Variants in ADGRB1 observed in about 807,000 individuals in gnomAD.
ADGRB1 encodes the protein adhesion G protein-coupled receptor B1.
Under a neutral mutation model 175.7 loss-of-function variants are expected in ADGRB1, and 36 were observed. That is an observed-to-expected ratio of 0.20 (90% CI 0.16 to 0.27). ADGRB1 has a LOEUF of 0.27. Ranked by LOEUF, ADGRB1 falls within the 10% of genes least tolerant of loss-of-function variation. ADGRB1 has a pLI of 1.00. For synonymous variants in ADGRB1, 1,054 were observed against 979.4 expected (o/e 1.08, Z -1.42); for missense variants, 1,731 against 2,255.3 (o/e 0.77, Z 4.71).
chr8:142,536,446 C>T (rs1164643004), intron 25 of ADGRB1, among the ~76,000 whole-genome samples: 1 of 152,190 alleles, frequency 6.6e-6, no homozygotes, highest in African/African-American at 2.4e-5. Context: ...CCGTCCTCAC[C>T]ACTGTCCCCC....
Position 142,511,088 on chromosome 8 carries a change from G to A in ADGRB1, c.2817+15G>A. The A allele has an allele frequency of 1.8e-6, 2 of 1,105,308 alleles. No individual in the cohort carries two copies. The highest frequency in any genetic ancestry group is 2.2e-6 in the Non-Finnish European group (2 of 906,138). The allele number at this position is 1,105,308 out of a possible 1,614,324, so 68.5% of individuals were successfully genotyped here. A position where few individuals can be genotyped will look rare whatever the true frequency, so the allele number is the denominator to read the frequency against. On this transcript the variant is annotated intron_variant, in intron 18 of 30. Transcript: ENST00000517894. This position sits in a 1 kb window ranked among gnomAD's most constrained non-coding sequence, Gnocchi z 4.5. ...GCGCCGACGCGGTGAGACCCCGGCC[G>A]GGCCGGCGGGAGGGGCGCCGGGCAG...
intron 7 of ADGRB1, 107 bp downstream of exon 7, chr8:142,478,467 G>A: frequency 7.7e-7 from 1 of 1,292,262 alleles, no homozygotes; most frequent in Admixed American, 2.6e-5. Context: ...CCCGGCATGT[G>A]ACTGAGGAGG....
Position 142,481,725 on chromosome 8 carries a change from G to C in ADGRB1, c.2130+14G>C. ...GGGGACGTACAGGTGGGCTCCCCGAGCGGCATTTTGGAAGAGGGTGTCGGG... is the reference window on the plus strand; with the variant it reads ...GGGGACGTACAGGTGGGCTCCCCGACCGGCATTTTGGAAGAGGGTGTCGGG... On this transcript the variant is annotated intron_variant, in intron 11 of 30. Coordinates refer to ENST00000517894, the MANE Select transcript of ADGRB1 (RefSeq NM_001702.3). 1.3e-6 allele frequency: 2 copies of C among 1,531,620 alleles called. No individual in the cohort carries two copies. Among genetic ancestry groups the C allele is most frequent in the Non-Finnish European group, 1.8e-6 (2 of 1,134,806 alleles). The allele number at this position is 1,531,620 out of a possible 1,614,324, so 94.9% of individuals were successfully genotyped here.
At chr8:142,528,136 T>C (rs993362767) in intron 24 of ADGRB1, among the ~76,000 whole-genome samples, 2 of 152,166 alleles carry the variant, frequency 1.3e-5, no homozygotes, top group Non-Finnish European at 2.9e-5. Flanking sequence ...CCCACACGCA[T>C]GGGCACACAC....
intron 24 of ADGRB1, among the ~76,000 whole-genome samples, chr8:142,531,677 T>C (rs7387226): frequency 0.67 from 101,708 of 152,160 alleles, 36,245 homozygotes; most frequent in East Asian, 0.99. Context: ...TGTCCTGGTG[T>C]TGCTCTGGGC....
intron 17 of ADGRB1, among the ~76,000 whole-genome samples, chr8:142,509,907 C>T (rs1842993345): frequency 2.6e-5 from 4 of 152,152 alleles, no homozygotes; most frequent in Admixed American, 2.6e-4. Flanking sequence ...GACTCAGCCT[C>T]AGAGAGGGCC....
In ADGRB1 at chr8:142,513,249, G is replaced by A. The variant is rs537960546; in HGVS notation, c.2817+2176G>A. On this transcript the variant is annotated intron_variant, in intron 18 of 30. Coordinates refer to ENST00000517894, the MANE Select transcript of ADGRB1 (RefSeq NM_001702.3). ...AGTGTCCTCATCTGTGAGATGGGAG[G>A]GCGGTTGGCTCTGCCGCAAGGGCAG... Among the ~76,000 whole-genome samples the A allele has an allele frequency of 3.9e-5, 6 of 152,306 alleles. No individual in the cohort carries two copies. In the South Asian group the frequency reaches 1.2e-3, roughly 32 times the overall value.
At chr8:142,519,409 G>T (rs1416935692) in intron 19 of ADGRB1, among the ~76,000 whole-genome samples, 1 of 152,220 alleles carries the variant, frequency 6.6e-6, no homozygotes, top group Non-Finnish European at 1.5e-5. Context: ...AGCCCCTGAG[G>T]CTCAGCCCTG....
chr8:142,487,428 C>T (rs1314966935), intron 13 of ADGRB1, among the ~76,000 whole-genome samples: 1 of 152,228 alleles, frequency 6.6e-6, no homozygotes, highest in Non-Finnish European at 1.5e-5. Flanking sequence ...CGAATTCCCT[C>T]TGCCCTCCAC....
chr8:142,481,430 A>G (rs1841331888), intron 10 of ADGRB1, 70 bp downstream of exon 10: 1 of 1,592,648 alleles, frequency 6.3e-7, no homozygotes, highest in South Asian at 1.1e-5. Flanking sequence ...GGGACCCTGC[A>G]GAGGGTCCTA....
At chr8:142,533,266 G>T (rs1369837857) in intron 24 of ADGRB1, 29 bp from the exon 25 acceptor site, 9 of 1,475,088 alleles carry the variant, frequency 6.1e-6, no homozygotes, top group Non-Finnish European at 7.2e-6. Flanking sequence ...AGGGGCGGGG[G>T]CGGCAGCGCT....
At position 142,479,793 on chromosome 8, in the gene ADGRB1, A is replaced by G; in HGVS notation, c.1827A>G (p.Thr609=). 6.2e-7 allele frequency: 1 copy of G among 1,609,210 alleles called. No homozygotes were observed. The highest frequency in any genetic ancestry group is 8.5e-7 in the Non-Finnish European group (1 of 1,178,284). The change falls in exon 9 of 31, where the codon ACA becomes ACG. Residue 609 remains threonine, a splice_region_variant and synonymous_variant. Coordinates refer to ENST00000517894, the MANE Select transcript of ADGRB1 (RefSeq NM_001702.3). The part of the protein sequence containing the change: ...VAAVRCPRNA[T]GLILRRCELD... ...CTGTCCGGTGTCCCCGCAACGCCAC[A>G]GGTGAGGGCTGGAGAGCACGTGGTG... is the stretch of plus-strand genomic sequence containing the variant.
chr8:142,502,351 G>A (rs1182663394), intron 17 of ADGRB1, among the ~76,000 whole-genome samples: 4 of 146,576 alleles, frequency 2.7e-5, no homozygotes, highest in African/African-American at 7.6e-5. Flanking sequence ...GTGGTGATGG[G>A]GAGGTGGTAG....
chr8:142,489,489 C>A lies in ADGRB1; in HGVS notation c.2631+51C>A. 3.8e-6 allele frequency: 6 copies of A among 1,569,006 alleles called. No individual in the cohort carries two copies. In the South Asian group the frequency reaches 6.7e-5, roughly 17 times the overall value. ...TGATGCCAGCAGAAACGCGTGTGCGCGAATTCTGTCCCACTCCTCAGCCAC... is the reference window on the plus strand; with the variant it reads ...TGATGCCAGCAGAAACGCGTGTGCGAGAATTCTGTCCCACTCCTCAGCCAC... On this transcript the variant is annotated intron_variant, in intron 16 of 30. Transcript: ENST00000517894.
intron 20 of ADGRB1, 112 bp from the exon 21 acceptor site, chr8:142,521,853 C>A: frequency 7.8e-7 from 1 of 1,289,776 alleles, no homozygotes; most frequent in South Asian, 1.4e-5. Flanking sequence ...CTGGTTGGGT[C>A]CCAGTGAGGG....
rs757573591 is a variant in ADGRB1, at chr8:142,526,646, G to A, written c.3398+19G>A. On this transcript the variant is annotated intron_variant, in intron 24 of 30. Transcript: ENST00000517894. ...GGGCAGGGTAGGACCGGGGCTACGC[G>A]GCTCCTTGCCCACCCGGAGTGCAAG... 45 of 1,602,830 alleles carry A rather than the reference G, an allele frequency of 2.8e-5. No homozygotes were observed. The highest frequency in any genetic ancestry group is 3.3e-4 in the Middle Eastern group (2 of 6,070).
chr8:142,459,667 C>T (rs766842970), intron 1 of ADGRB1, among the ~76,000 whole-genome samples: 1 of 152,238 alleles, frequency 6.6e-6, no homozygotes, highest in Admixed American at 6.5e-5. Flanking sequence ...TGCACACTCA[C>T]AGGCACACAG....
intron 30 of ADGRB1, 82 bp from the exon 31 acceptor site, chr8:142,544,137 TG>T (rs952016462): frequency 1.4e-6 from 2 of 1,426,418 alleles, no homozygotes; most frequent in African/African-American, 2.9e-5. Flanking sequence ...CACTGATTCG[TG>T]TCTGCCTCCT....
chr8:142,518,061 C>T lies in ADGRB1; in HGVS notation c.2818-77C>T, dbSNP rs1029527136. 7 of 1,427,034 alleles carry T rather than the reference C, an allele frequency of 4.9e-6. No homozygotes were observed. The African/African-American group carries it at 5.6e-5, about 11-fold the overall frequency. The allele number at this position is 1,427,034 out of a possible 1,614,324, so 88.4% of individuals were successfully genotyped here. A position where few individuals can be genotyped will look rare whatever the true frequency, so the allele number is the denominator to read the frequency against. On this transcript the variant is annotated intron_variant, in intron 18 of 30. Coordinates refer to ENST00000517894, the MANE Select transcript of ADGRB1 (RefSeq NM_001702.3). The stretch of plus-strand genomic sequence containing the variant: ...GGTGTGACCCGGGGCTGCGGGCTCT[C>T]GGGTCTCAGTCTTCGGGTCTGCCGA...
Sources: allele counts gnomAD v4.1 joint callset (sites outside exome capture counted in the v4.1 genomes callset), GRCh38; gene constraint gnomAD v4.1.1; non-coding constraint Gnocchi (gnomAD v3.1); transcripts MANE v1.5; gene names NCBI Gene and HGNC (gene_info 2026-07-23, HGNC 2026-07-21).